Variants in SPART observed in about 807,000 individuals in gnomAD.
The protein encoded by SPART is spastic paraplegia 20 (Troyer syndrome).
SPART carries 35 observed loss-of-function variants against 58.7 expected under a neutral mutation model. The ratio of observed to expected loss-of-function variants is 0.60; its 90% confidence interval spans 0.46 to 0.79. SPART has a LOEUF of 0.79. Ranked by LOEUF, SPART falls within the 30% of genes least tolerant of loss-of-function variation. The pLI, the probability that SPART is intolerant of heterozygous loss-of-function variation, is 0.00. For synonymous variants in SPART, 284 were observed against 280.7 expected (o/e 1.01, Z -0.12); for missense variants, 730 against 786.1 (o/e 0.93, Z 0.85).
At chr13:36,362,421 G>T (rs961714312) in intron 1 of SPART, among the ~76,000 whole-genome samples, 1 of 151,468 alleles carries the variant, frequency 6.6e-6, no homozygotes, top group Non-Finnish European at 1.5e-5. Context: ...AGCTGTGAAG[G>T]GGTGTAGCTA....
chr13:36,355,227 C>T (rs1346920796), intron 1 of SPART, among the ~76,000 whole-genome samples: 1 of 152,158 alleles, frequency 6.6e-6, no homozygotes, highest in Non-Finnish European at 1.5e-5. Context: ...GTGGAACTAT[C>T]ATAGCTCACT....
At chr13:36,336,061 T>C (rs139721600) in intron 1 of SPART, among the ~76,000 whole-genome samples, 12 of 152,352 alleles carry the variant, frequency 7.9e-5, no homozygotes, top group Admixed American at 6.5e-5. Flanking sequence ...AATATCTTAA[T>C]TTAAAAACAT....
At chr13:36,368,222 T>C in intron 1 of SPART, 1 of 466,038 alleles carries the variant, frequency 2.1e-6, no homozygotes, top group South Asian at 1.6e-5. Context: ...TATGAGCTGC[T>C]GAGGATACAG....
At chr13:36,352,191 G>A (rs573586294) in intron 1 of SPART, among the ~76,000 whole-genome samples, 3 of 152,254 alleles carry the variant, frequency 2.0e-5, no homozygotes, top group South Asian at 4.1e-4. Context: ...TATATGAAAA[G>A]CATGCATTTG....
intron 5 of SPART, among the ~76,000 whole-genome samples, chr13:36,322,434 G>C (rs552017605): frequency 1.1e-4 from 16 of 152,078 alleles, no homozygotes; most frequent in Non-Finnish European, 1.6e-4. Context: ...GTAACAGAGC[G>C]AGACTCTGTC....
At chr13:36,321,322 C>G (rs973194738) in intron 5 of SPART, among the ~76,000 whole-genome samples, 1 of 152,240 alleles carries the variant, frequency 6.6e-6, no homozygotes, top group Non-Finnish European at 1.5e-5. Flanking sequence ...AACTGCCACT[C>G]TTAACTCTTG....
At chr13:36,366,376 A>G (rs1570906) in intron 1 of SPART, among the ~76,000 whole-genome samples, 125,238 of 152,138 alleles carry the variant, frequency 0.82, 51,782 homozygotes, top group African/African-American at 0.9. Context: ...GCACCACATC[A>G]CTTACCTGGT....
At chr13:36,349,604 C>T (rs1166302660), upstream of SPART, among the ~76,000 whole-genome samples, 1 of 152,188 alleles carries the variant, frequency 6.6e-6, no homozygotes, top group Non-Finnish European at 1.5e-5. Context: ...TGGTCAAAAC[C>T]TGTATTAGTG....
intron 5 of SPART, among the ~76,000 whole-genome samples, chr13:36,318,811 C>T (rs796751837): frequency 3.9e-5 from 6 of 152,244 alleles, no homozygotes; most frequent in East Asian, 3.9e-4. Flanking sequence ...CACTGAAAAT[C>T]GGACTGTTCA....
intron 3 of SPART, 73 bp from the exon 4 acceptor site, chr13:36,329,590 C>A (rs1883273053): frequency 1.4e-6 from 2 of 1,457,880 alleles, no homozygotes; most frequent in Non-Finnish European, 9.6e-7. Flanking sequence ...CTATATTACA[C>A]CATGCTCAAA....
chr13:36,338,058 A>C (rs1884194411), intron 1 of SPART, among the ~76,000 whole-genome samples: 1 of 152,194 alleles, frequency 6.6e-6, no homozygotes, highest in African/African-American at 2.4e-5. Flanking sequence ...GAAAAGGCTG[A>C]GATATGAACA....
chr13:36,368,118 C>A, intron 1 of SPART: 2 of 430,624 alleles, frequency 4.6e-6, no homozygotes, highest in Non-Finnish European at 9.5e-6. Flanking sequence ...ACTTTTCTTT[C>A]AAGGAAAGAG....
At position 36,358,249 on chromosome 13, in the gene SPART, A is replaced by AT. The variant is rs1885698701; in HGVS notation, c.-3+11839dup. ...GTTTTTTTGTTATTCAATCATATTC[A>AT]TTTTATGGTCTTTATTTCTTAGTCT... On this transcript the variant is annotated intron_variant, in intron 1 of 8. Coordinates refer to the SPART transcript ENST00000355182. 2.6e-5 allele frequency among the ~76,000 whole-genome samples: 4 copies of AT among 152,188 alleles called. No individual in the cohort carries two copies. The South Asian group carries it at 8.3e-4, about 32-fold the overall frequency.
At chr13:36,357,050 C>T (rs564868189) in intron 1 of SPART, among the ~76,000 whole-genome samples, 4 of 152,312 alleles carry the variant, frequency 2.6e-5, no homozygotes, top group African/African-American at 9.6e-5. Flanking sequence ...AGGCAACTGT[C>T]CCTTTCCTCG....
rs758581740 is a variant in SPART, at chr13:36,304,420, C to T, written c.1946G>A (p.Gly649Glu). The T allele has an allele frequency of 6.2e-7, 1 of 1,613,928 alleles. No homozygotes were observed. The highest frequency in any genetic ancestry group is 8.5e-7 in the Non-Finnish European group (1 of 1,180,004). ...TTCCTTCGTCTGCTCATCCTTCTCC[C>T]CTCTCACGTTGACATTTGCTGCTCC... ...QEGAANVNVR[G>E]EKDEQTKEVK... The change falls in exon 9 of 9, where the codon GGG (glycine) becomes GAG (glutamate). Residue 649 changes from glycine to glutamate, a missense_variant. By Grantham distance (98) the Gly-to-Glu change is moderately conservative. Transcript: ENST00000438666.
intron 5 of SPART, among the ~76,000 whole-genome samples, chr13:36,318,759 C>G (rs1185216387): frequency 6.6e-6 from 1 of 151,678 alleles, no homozygotes; most frequent in African/African-American, 2.4e-5. Context: ...ATGCCCGCAG[C>G]CCGGGATTCC....
chr13:36,347,341 C>T (rs1264778507), upstream of SPART, among the ~76,000 whole-genome samples: 2 of 152,214 alleles, frequency 1.3e-5, no homozygotes, highest in African/African-American at 2.4e-5. Flanking sequence ...GCCTCAGCCT[C>T]CAGAGAAGCT....
At chr13:36,320,127 T>A (rs1054179503) in intron 5 of SPART, among the ~76,000 whole-genome samples, 2 of 152,158 alleles carry the variant, frequency 1.3e-5, no homozygotes, top group Non-Finnish European at 2.9e-5. Flanking sequence ...TTAGAGGCCC[T>A]CAAAATCACA....
Position 36,314,268 on chromosome 13 carries a change from T to C in SPART, c.1442A>G (p.Lys481Arg). The change falls in exon 6 of 9, where the codon AAG becomes AGG. Residue 481 changes from lysine (K) to arginine (R), a missense_variant. Transcript: ENST00000438666. Reference sequence around the variant, plus strand: ...TTTTGCTGCTCCTCCTGTAGCTTGCTTCGCTATATAAAGTCCCTTGGTGAC... The same window carrying C: ...TTTTGCTGCTCCTCCTGTAGCTTGCCTCGCTATATAAAGTCCCTTGGTGAC... ...PAVTKGLYIA[K>R]QATGGAAKVS... The C allele has an allele frequency of 1.2e-6, 2 of 1,614,176 alleles. No individual in the cohort carries two copies. The highest frequency in any genetic ancestry group is 1.7e-6 in the Non-Finnish European group (2 of 1,180,022).
Sources: allele counts gnomAD v4.1 joint callset (sites outside exome capture counted in the v4.1 genomes callset), GRCh38; gene constraint gnomAD v4.1.1; transcripts MANE v1.5; gene names NCBI Gene and HGNC (gene_info 2026-07-23, HGNC 2026-07-21).